Variants in TSPAN5 observed in about 807,000 individuals in gnomAD.
TSPAN5 encodes the protein tetraspanin 5, also known as tetraspanin-5.
TSPAN5 carries 10 observed loss-of-function variants against 37.1 expected under a neutral mutation model. The observed-to-expected ratio is 0.27, with a 90% CI of 0.17 to 0.46. The LOEUF (loss-of-function observed/expected upper bound fraction) is 0.46, where lower values mean the gene tolerates loss of function less well. TSPAN5 is among the 20% of genes least tolerant of loss of function. The pLI is 1.00. For missense variants in TSPAN5, 195 were observed against 326.6 expected (o/e 0.60, Z 3.11); for synonymous variants, 110 against 118.9 (o/e 0.93, Z 0.48).
chr4:98,557,493 CAAT>C (rs1754778040), intron 1 of TSPAN5, among the ~76,000 whole-genome samples: 1 of 152,150 alleles, frequency 6.6e-6, no homozygotes, highest in Admixed American at 6.5e-5. Flanking sequence ...AGTATTCACT[CAAT>C]AATGAATACA....
intron 4 of TSPAN5, among the ~76,000 whole-genome samples, chr4:98,481,083 C>T (rs1041998347): frequency 1.3e-5 from 2 of 152,020 alleles, no homozygotes; most frequent in Non-Finnish European, 2.9e-5. Flanking sequence ...ACACCGCTGT[C>T]CAAGTCCAAG....
At chr4:98,587,330 A>T (rs1349783264) in intron 1 of TSPAN5, among the ~76,000 whole-genome samples, 1 of 152,156 alleles carries the variant, frequency 6.6e-6, no homozygotes, top group Non-Finnish European at 1.5e-5. Context: ...TCCAGACACC[A>T]TGATTTCTAG....
intron 1 of TSPAN5, among the ~76,000 whole-genome samples, chr4:98,609,991 G>A (rs553834944): frequency 1.8e-4 from 28 of 152,232 alleles, no homozygotes; most frequent in African/African-American, 4.3e-4. Flanking sequence ...AATATAATTC[G>A]CAGAGGCATT....
At chr4:98,566,023 A>G (rs1269990919) in intron 1 of TSPAN5, among the ~76,000 whole-genome samples, 1 of 152,226 alleles carries the variant, frequency 6.6e-6, no homozygotes, top group Non-Finnish European at 1.5e-5. Flanking sequence ...AGTTTTAGCG[A>G]GGAGAAGAAA....
intron 1 of TSPAN5, among the ~76,000 whole-genome samples, chr4:98,541,463 C>T (rs954971134): frequency 6.6e-6 from 1 of 151,728 alleles, no homozygotes; most frequent in Admixed American, 6.6e-5. Context: ...TCACTTGAGG[C>T]CAGGAGATCG....
At chr4:98,618,491 T>C (rs1460096648) in intron 1 of TSPAN5, among the ~76,000 whole-genome samples, 1 of 152,232 alleles carries the variant, frequency 6.6e-6, no homozygotes, top group East Asian at 1.9e-4. Flanking sequence ...CTAATATTGA[T>C]TGAGCTTCAC....
At position 98,549,302 on chromosome 4, in the gene TSPAN5, GTTTTTT is replaced by G. The variant is rs1236454299; in HGVS notation, c.82-41580_82-41575del. On this transcript the variant is annotated intron_variant, in intron 1 of 7. Coordinates refer to ENST00000305798, the MANE Select transcript of TSPAN5 (RefSeq NM_005723.4). ...TATTTTTGTTTGTTTGTTTGTTTTT[GTTTTTT>G]TTTGTTTTTTTTGAGGCAGAGTCTC... Among the ~76,000 whole-genome samples, 188 of 116,282 alleles carry G rather than the reference GTTTTTT, an allele frequency of 1.6e-3. 2 individuals carry two copies. Among genetic ancestry groups the G allele is most frequent in the African/African-American group, 8.8e-3 (183 of 20,760 alleles). The allele number at this position is 116,282 out of a possible 152,430, so 76.3% of individuals were successfully genotyped here. A position where few individuals can be genotyped will look rare whatever the true frequency, so the allele number is the denominator to read the frequency against.
At chr4:98,520,773 AAT>A (rs777738407) in intron 1 of TSPAN5, among the ~76,000 whole-genome samples, 64 of 152,242 alleles carry the variant, frequency 4.2e-4, no homozygotes, top group Non-Finnish European at 6.0e-4. Flanking sequence ...CATTTCTTAA[AAT>A]AACAGAGATA....
chr4:98,480,572 A>G (rs1416389627), intron 4 of TSPAN5, among the ~76,000 whole-genome samples: 1 of 152,182 alleles, frequency 6.6e-6, no homozygotes, highest in Non-Finnish European at 1.5e-5. Context: ...CCGGACCAAC[A>G]GCTACTTCTA....
intron 1 of TSPAN5, among the ~76,000 whole-genome samples, chr4:98,533,832 G>A (rs1382742754): frequency 6.7e-6 from 1 of 148,320 alleles, no homozygotes; most frequent in African/African-American, 2.5e-5. Flanking sequence ...TTACAGGTGT[G>A]AGCCACAGCA....
intron 3 of TSPAN5, chr4:98,482,436 G>T: frequency 3.5e-6 from 1 of 282,134 alleles, no homozygotes; most frequent in Non-Finnish European, 6.6e-6. Flanking sequence ...AAGCAAACAT[G>T]GATAATAAGG....
intron 1 of TSPAN5, among the ~76,000 whole-genome samples, chr4:98,543,857 T>C (rs996815851): frequency 1.3e-5 from 2 of 152,080 alleles, no homozygotes; most frequent in African/African-American, 4.8e-5. Flanking sequence ...TATACAGTTA[T>C]AGAATATTAG....
intron 1 of TSPAN5, among the ~76,000 whole-genome samples, chr4:98,584,058 C>T (rs1219973803): frequency 6.6e-6 from 1 of 152,120 alleles, no homozygotes; most frequent in Non-Finnish European, 1.5e-5. Flanking sequence ...CCTAATGCAC[C>T]AGAGCTTGTT....
In TSPAN5 at chr4:98,470,662, G is replaced by A. The variant is rs188791149; in HGVS notation, c.*1860C>T. 2.0e-5 allele frequency: 3 copies of A among 152,344 alleles called. No individual in the cohort carries two copies. The highest frequency in any genetic ancestry group is 1.9e-4 in the East Asian group (1 of 5,182). The allele number at this position is 152,344 out of a possible 1,614,324, so 9.4% of individuals were successfully genotyped here. On this transcript the variant is annotated 3_prime_UTR_variant, in exon 8 of 8. Transcript: ENST00000305798. ...CAACTGTGGTGGGGGCAGAGATGAA[G>A]TAAGACAACCTTACAGTCGGAGTAA...
rs1229524586 is a variant in TSPAN5 at position 98,521,819 on chromosome 4, AATTTTATTTTGTTTTTGT to A, written c.82-14109_82-14092del. On this transcript the variant is annotated intron_variant, in intron 1 of 7. Coordinates refer to ENST00000305798, the MANE Select transcript of TSPAN5 (RefSeq NM_005723.4). ...GCCTATATATCTGTGTGTGTTTTTG[AATTTTATTTTGTTTTTGT>A]GGGTTCTGTTTTTTTTGTTTGTTTC... Among the ~76,000 whole-genome samples the A allele has an allele frequency of 8.9e-5, 13 of 146,794 alleles. No individual in the cohort carries two copies. In the Admixed American group the frequency reaches 9.1e-4, roughly 10 times the overall value.
intron 1 of TSPAN5, among the ~76,000 whole-genome samples, chr4:98,651,353 C>G (rs1305423326): frequency 6.6e-6 from 1 of 152,210 alleles, no homozygotes; most frequent in Non-Finnish European, 1.5e-5. Context: ...AAACATGTAA[C>G]TAAATACAAA....
chr4:98,492,935 T>G (rs1278728108), intron 2 of TSPAN5, among the ~76,000 whole-genome samples: 1 of 152,066 alleles, frequency 6.6e-6, no homozygotes, highest in Non-Finnish European at 1.5e-5. Context: ...ATCAATACAT[T>G]GGGAGGCCGA....
intron 1 of TSPAN5, among the ~76,000 whole-genome samples, chr4:98,607,903 G>A (rs1041249916): frequency 1.1e-4 from 16 of 152,028 alleles, no homozygotes; most frequent in African/African-American, 3.9e-4. Flanking sequence ...TAGAGAGGGA[G>A]TTTCACCATA....
chr4:98,598,766 C>T (rs963144055), intron 1 of TSPAN5, among the ~76,000 whole-genome samples: 7 of 152,270 alleles, frequency 4.6e-5, no homozygotes, highest in East Asian at 1.9e-4. Context: ...CCGTGCCTGG[C>T]CCCTCCTAAA....
Sources: gnomAD v4.1 joint callset for allele counts (sites outside exome capture counted in the v4.1 genomes callset) on GRCh38, gnomAD v4.1.1 for gene constraint, MANE v1.5 for transcripts, NCBI Gene and HGNC (gene_info 2026-07-23, HGNC 2026-07-21) for gene names.